The following ANKRD44 variants were observed in gnomAD, a reference collection of about 807,000 sequenced individuals.
ANKRD44 encodes the protein serine/threonine-protein phosphatase 6 regulatory ankyrin repeat subunit B.
Under a neutral mutation model 116.0 loss-of-function variants are expected in ANKRD44, and 35 were observed. That is an observed-to-expected ratio of 0.30 (90% confidence interval 0.23 to 0.40). ANKRD44 has a LOEUF of 0.40. ANKRD44 is among the 10% of genes least tolerant of loss of function. The pLI is 1.00. For missense variants in ANKRD44, 1,014 were observed against 1,242.6 expected (o/e 0.82, Z 2.77); for synonymous variants, 435 against 461.8 (o/e 0.94, Z 0.74).
At chr2:197,171,700 G>A (rs1190837149) in intron 2 of ANKRD44, among the ~76,000 whole-genome samples, 1 of 152,152 alleles carries the variant, frequency 6.6e-6, no homozygotes, top group African/African-American at 2.4e-5. Flanking sequence ...TGATCGTCAA[G>A]TGTCGGTTTG....
rs1345692878 is a variant in ANKRD44 at position 197,009,012 on chromosome 2, CAG to C, written c.1942_1943del (p.Leu648ValfsTer36). On this transcript the variant is annotated frameshift_variant, in exon 19 of 28. Coordinates refer to ENST00000282272, the MANE Select transcript of ANKRD44 (RefSeq NM_001195144.2). LOFTEE classifies it high-confidence loss of function. The stretch of plus-strand genomic sequence containing the variant: ...CAATTTCTAGCAACAGCCGTAAACA[CAG>C]TGTGTGACCATTAATTACTGAAAAA... ...LHASVINGHT[L>X]CLRLLLEIAD... 2 of 1,613,982 alleles carry C rather than the reference CAG, an allele frequency of 1.2e-6. No homozygotes were observed. The highest frequency in any genetic ancestry group is 8.5e-7 in the Non-Finnish European group (1 of 1,179,962).
intron 9 of ANKRD44, among the ~76,000 whole-genome samples, chr2:197,101,015 C>T (rs1274383833): frequency 6.6e-6 from 1 of 152,132 alleles, no homozygotes; most frequent in Non-Finnish European, 1.5e-5. Context: ...GACATTTTCG[C>T]ACATAACCAC....
chr2:197,103,037 G>A (rs1295897147), intron 9 of ANKRD44, among the ~76,000 whole-genome samples: 1 of 151,780 alleles, frequency 6.6e-6, no homozygotes, highest in African/African-American at 2.4e-5. Context: ...AGACCATCCT[G>A]GCAAACACGG....
intron 27 of ANKRD44, chr2:196,990,986 G>A: frequency 8.3e-7 from 1 of 1,201,604 alleles, no homozygotes; most frequent in East Asian, 3.2e-5. Flanking sequence ...GGAGGCACGA[G>A]CATTCCACAG....
chr2:197,263,070 C>T, intron 1 of ANKRD44: 2 of 419,654 alleles, frequency 4.8e-6, no homozygotes, highest in Non-Finnish European at 9.0e-6. Context: ...CTTCCCTGCA[C>T]TGGGCCCAGC....
At chr2:197,066,882 C>A (rs2077444807) in intron 16 of ANKRD44, among the ~76,000 whole-genome samples, 1 of 152,068 alleles carries the variant, frequency 6.6e-6, no homozygotes, top group Non-Finnish European at 1.5e-5. Flanking sequence ...AGATTCAATG[C>A]CATCCCCATC....
At chr2:197,235,963 T>C (rs923410431) in intron 1 of ANKRD44, among the ~76,000 whole-genome samples, 6 of 152,162 alleles carry the variant, frequency 3.9e-5, no homozygotes, top group Non-Finnish European at 7.3e-5. Flanking sequence ...ATTTGTTATA[T>C]AGTCATAAAA....
At chr2:197,226,692 G>A (rs2081724825) in intron 1 of ANKRD44, among the ~76,000 whole-genome samples, 1 of 151,946 alleles carries the variant, frequency 6.6e-6, no homozygotes, top group African/African-American at 2.4e-5. Flanking sequence ...TGATTCTGAT[G>A]TATAGTGAGG....
At chr2:196,983,033 TG>T (rs1378012382), downstream of ANKRD44, among the ~76,000 whole-genome samples, 1 of 151,894 alleles carries the variant, frequency 6.6e-6, no homozygotes, top group Non-Finnish European at 1.5e-5. Context: ...GTTGGTGGGT[TG>T]GGGTAAGGGG....
chr2:197,131,793 G>A (rs1177693292), intron 4 of ANKRD44, among the ~76,000 whole-genome samples: 1 of 152,174 alleles, frequency 6.6e-6, no homozygotes, highest in Non-Finnish European at 1.5e-5. Context: ...ACACACTTTA[G>A]GCCTCCTGTA....
At chr2:197,073,665 G>C (rs2077606115) in intron 16 of ANKRD44, among the ~76,000 whole-genome samples, 1 of 152,148 alleles carries the variant, frequency 6.6e-6, no homozygotes, top group South Asian at 2.1e-4. Flanking sequence ...CCTTAAGGTT[G>C]GGGTCAAGAG....
intron 8 of ANKRD44, among the ~76,000 whole-genome samples, chr2:197,112,663 G>C (rs376497813): frequency 1.4e-5 from 2 of 147,446 alleles, no homozygotes; most frequent in African/African-American, 2.5e-5. Context: ...AGCCGAAATC[G>C]TGCCACTGCA....
chr2:197,157,953 T>A (rs949380563), intron 2 of ANKRD44, among the ~76,000 whole-genome samples: 3 of 152,180 alleles, frequency 2.0e-5, no homozygotes, highest in Non-Finnish European at 2.9e-5. Context: ...GGGTCTCTGC[T>A]GGGGAAAGTT....
intron 1 of ANKRD44, among the ~76,000 whole-genome samples, chr2:197,272,445 T>C (rs554087879): frequency 1.3e-4 from 20 of 151,698 alleles, no homozygotes; most frequent in African/African-American, 4.1e-4. Context: ...ACCATGTTGG[T>C]CAGGCTGGTC....
At chr2:197,248,592 A>ATAT (rs1553539906) in intron 1 of ANKRD44, among the ~76,000 whole-genome samples, 1 of 149,584 alleles carries the variant, frequency 6.7e-6, no homozygotes. Context: ...ATATATATAT[A>ATAT]AAGAGAGAGA....
chr2:197,081,730 T>C lies in ANKRD44; in HGVS notation c.1458-5A>G. 1.2e-6 allele frequency: 2 copies of C among 1,611,110 alleles called. No individual in the cohort carries two copies. Among genetic ancestry groups the C allele is most frequent in the Non-Finnish European group, 1.7e-6 (2 of 1,178,180 alleles). On this transcript the variant is annotated splice_region_variant and splice_polypyrimidine_tract_variant and intron_variant, in intron 14 of 27. Coordinates refer to ENST00000282272, the MANE Select transcript of ANKRD44 (RefSeq NM_001195144.2). ...GCATTTCCTAAGATAGTCTTACTTC[T>C]CAGCATAAAGGATAGAAAAAAAAAT...
chr2:197,297,407 T>C (rs2083755548), intron 1 of ANKRD44, among the ~76,000 whole-genome samples: 1 of 152,200 alleles, frequency 6.6e-6, no homozygotes, highest in Admixed American at 6.5e-5. Flanking sequence ...GAGCTGAAAT[T>C]GACCTGAGAA....
chr2:197,224,716 A>T (rs1303774197), intron 1 of ANKRD44, among the ~76,000 whole-genome samples: 4 of 152,226 alleles, frequency 2.6e-5, no homozygotes, highest in African/African-American at 9.6e-5. Flanking sequence ...CATAGGATTT[A>T]AAATACAAAT....
At chr2:197,127,456 CA>C (rs1288857351) in intron 4 of ANKRD44, among the ~76,000 whole-genome samples, 1 of 151,998 alleles carries the variant, frequency 6.6e-6, no homozygotes, top group African/African-American at 2.4e-5. Context: ...CTTGGTTTTA[CA>C]AGGGAGTAAT....
Sources: gnomAD v4.1 joint callset for allele counts (sites outside exome capture counted in the v4.1 genomes callset) on GRCh38, gnomAD v4.1.1 for gene constraint, MANE v1.5 for transcripts, NCBI Gene and HGNC (gene_info 2026-07-23, HGNC 2026-07-21) for gene names.